Variants in TNKS observed in about 807,000 individuals in gnomAD.
The protein encoded by TNKS is poly [ADP-ribose] polymerase tankyrase-1.
TNKS carries 72 observed loss-of-function variants against 135.8 expected under a neutral mutation model. The ratio of observed to expected loss-of-function variants is 0.53; its 90% CI spans 0.44 to 0.64. The LOEUF (loss-of-function observed/expected upper bound fraction) is 0.64, where lower values mean the gene tolerates loss of function less well. Among genes scored for constraint, TNKS ranks in the 30% least tolerant of loss-of-function variants. The pLI is 0.00. For missense variants in TNKS, 1,769 were observed against 1,674.0 expected, an observed-to-expected ratio of 1.06 and a Z score of -0.99; for synonymous variants, 849 against 649.3, an observed-to-expected ratio of 1.31 and a Z score of -4.68.
intron 2 of TNKS, among the ~76,000 whole-genome samples, chr8:9,588,398 C>T (rs1417373915): frequency 6.6e-6 from 1 of 152,072 alleles, no homozygotes; most frequent in Admixed American, 6.5e-5. Context: ...CCTCAGCCTC[C>T]CGAGTAGCTG....
At position 9,777,725 on chromosome 8, in the gene TNKS, A is replaced by G. The variant is rs1355685862; in HGVS notation, c.*989A>G. ...AAAAATACATGCTTCCCTTCCCTTA[A>G]TCTGTACTGTTGGGATTGTTACCCC... On this transcript the variant is annotated 3_prime_UTR_variant, in exon 27 of 27. Coordinates refer to ENST00000310430, the MANE Select transcript of TNKS (RefSeq NM_003747.3). 6.6e-6 allele frequency: 1 copy of G among 152,192 alleles called. No individual in the cohort carries two copies. The highest frequency in any genetic ancestry group is 6.5e-5 in the Admixed American group (1 of 15,268). 9.4% of individuals were successfully genotyped at this position (152,192 alleles called of 1,614,324 possible).
intron 17 of TNKS, among the ~76,000 whole-genome samples, chr8:9,740,288 A>G (rs1805870923): frequency 6.6e-6 from 1 of 152,154 alleles, no homozygotes; most frequent in South Asian, 2.1e-4. Flanking sequence ...AAACCCACAG[A>G]TGCCAGTTCA....
chr8:9,767,940 CAGAG>C (rs1203489462), intron 25 of TNKS, among the ~76,000 whole-genome samples: 13 of 126,444 alleles, frequency 1.0e-4, no homozygotes, highest in African/African-American at 3.7e-4. Context: ...GCCTGGGCGA[CAGAG>C]AGAGACTCCG....
chr8:9,655,067 C>T (rs186644884), intron 3 of TNKS, among the ~76,000 whole-genome samples: 19 of 152,316 alleles, frequency 1.2e-4, no homozygotes, highest in South Asian at 8.3e-4. Context: ...ACTTTTCCAA[C>T]GGGCTTAATG....
At chr8:9,658,243 G>C (rs1252311735) in intron 3 of TNKS, 124 of 348,124 alleles carry the variant, frequency 3.6e-4, no homozygotes, top group Non-Finnish European at 4.0e-4. Flanking sequence ...CGGGGTGGCA[G>C]CCGGGCAGAG....
chr8:9,685,655 G>C (rs1023393690), intron 5 of TNKS, among the ~76,000 whole-genome samples: 1 of 152,120 alleles, frequency 6.6e-6, no homozygotes. Flanking sequence ...AATTAATTCA[G>C]TTGGAGCTTG....
intron 5 of TNKS, among the ~76,000 whole-genome samples, chr8:9,699,677 A>C (rs935622210): frequency 6.6e-6 from 1 of 151,968 alleles, no homozygotes; most frequent in African/African-American, 2.4e-5. Context: ...AGCTACTCCT[A>C]CTTAGATGCT....
At chr8:9,667,010 A>AT (rs1802030335) in intron 3 of TNKS, among the ~76,000 whole-genome samples, 1 of 152,214 alleles carries the variant, frequency 6.6e-6, no homozygotes, top group African/African-American at 2.4e-5. Context: ...ATCTGGAATG[A>AT]TTTAGTTCTT....
At chr8:9,758,952 G>C (rs568541242) in intron 20 of TNKS, among the ~76,000 whole-genome samples, 1 of 152,302 alleles carries the variant, frequency 6.6e-6, no homozygotes, top group East Asian at 1.9e-4. Flanking sequence ...TACTGGAGAA[G>C]GATCCCCTTC....
intron 13 of TNKS, among the ~76,000 whole-genome samples, chr8:9,728,914 T>G (rs1265230065): frequency 6.6e-6 from 1 of 152,224 alleles, no homozygotes; most frequent in African/African-American, 2.4e-5. Context: ...TGAAAGCTTC[T>G]TGTCTTAGTC....
At chr8:9,703,645 T>C (rs1322451957) in intron 5 of TNKS, among the ~76,000 whole-genome samples, 1 of 152,184 alleles carries the variant, frequency 6.6e-6, no homozygotes, top group East Asian at 1.9e-4. Flanking sequence ...TCAAAAGCAA[T>C]AGTAGTACAG....
At chr8:9,742,450 G>A (rs965860857) in intron 17 of TNKS, among the ~76,000 whole-genome samples, 9 of 151,134 alleles carry the variant, frequency 6.0e-5, no homozygotes, top group Non-Finnish European at 1.3e-4. Context: ...CCCTGTTCAC[G>A]ATCTCTGCTC....
chr8:9,765,003 A>C (rs928976215), intron 23 of TNKS, among the ~76,000 whole-genome samples: 3 of 152,236 alleles, frequency 2.0e-5, no homozygotes, highest in African/African-American at 7.2e-5. Flanking sequence ...GAAAGCGTCA[A>C]AGCTACAAAC....
chr8:9,761,952 C>T (rs1248845178), intron 21 of TNKS, among the ~76,000 whole-genome samples: 1 of 152,232 alleles, frequency 6.6e-6, no homozygotes, highest in Admixed American at 6.5e-5. Context: ...GGTTTATCTC[C>T]AGCCTTTACA....
intron 1 of TNKS, among the ~76,000 whole-genome samples, chr8:9,569,197 A>C (rs1797666422): frequency 6.6e-6 from 1 of 152,214 alleles, no homozygotes; most frequent in South Asian, 2.1e-4. Flanking sequence ...GTTTCCTAAA[A>C]GATTCTAATA....
chr8:9,635,170 G>A (rs1047685404), intron 3 of TNKS, among the ~76,000 whole-genome samples: 17 of 149,282 alleles, frequency 1.1e-4, no homozygotes, highest in African/African-American at 4.0e-4. Context: ...ACTCCGTCTC[G>A]GGGAAAAAAA....
intron 2 of TNKS, among the ~76,000 whole-genome samples, chr8:9,602,354 C>CT (rs1305927586): frequency 6.6e-6 from 1 of 152,146 alleles, no homozygotes; most frequent in Non-Finnish European, 1.5e-5. Flanking sequence ...AAGGACTGCA[C>CT]TGAGAGTTGT....
chr8:9,660,204 A>C (rs1801628725), intron 3 of TNKS, among the ~76,000 whole-genome samples: 1 of 152,240 alleles, frequency 6.6e-6, no homozygotes, highest in Non-Finnish European at 1.5e-5. Flanking sequence ...TCCAATCAAT[A>C]GAAAAAGACG....
At chr8:9,643,021 T>C (rs1800778404) in intron 3 of TNKS, among the ~76,000 whole-genome samples, 1 of 146,394 alleles carries the variant, frequency 6.8e-6, no homozygotes, top group African/African-American at 2.5e-5. Context: ...CCTAATCTAC[T>C]TTATTGAATA....
Sources: allele counts gnomAD v4.1 joint callset (sites outside exome capture counted in the v4.1 genomes callset), GRCh38; gene constraint gnomAD v4.1.1; transcripts MANE v1.5; gene names NCBI Gene and HGNC (gene_info 2026-07-23, HGNC 2026-07-21).